The following SPACA7 variants were observed in gnomAD, a reference collection of about 807,000 sequenced individuals.
SPACA7 encodes sperm acrosome-associated protein 7.
In SPACA7, 19 loss-of-function variants were observed where a neutral mutation model predicts 26.3. That is an observed-to-expected ratio of 0.72 (90% CI 0.50 to 1.06). SPACA7 has a LOEUF of 1.06. Among genes scored for constraint, SPACA7 ranks in the 50% least tolerant of loss-of-function variants. SPACA7 has a pLI of 0.00. For synonymous variants in SPACA7, 84 were observed against 84.5 expected, an observed-to-expected ratio of 0.99 and a Z score of 0.04; for missense variants, 211 against 229.9, an observed-to-expected ratio of 0.92 and a Z score of 0.53.
At chr13:112,396,909 G>A (rs1031850912) in intron 2 of SPACA7, among the ~76,000 whole-genome samples, 12 of 152,198 alleles carry the variant, frequency 7.9e-5, no homozygotes, top group African/African-American at 2.9e-4. Context: ...CCCAGGGCAG[G>A]AGGCGGGGGT....
chr13:112,392,531 C>T (rs1390196579), intron 1 of SPACA7, among the ~76,000 whole-genome samples: 1 of 152,206 alleles, frequency 6.6e-6, no homozygotes, highest in Non-Finnish European at 1.5e-5. Context: ...GCAGCCACAG[C>T]ATTGCACAAT....
rs1877564832 is a variant in SPACA7 at position 112,434,679 on chromosome 13, T to C, written c.*130T>C. The C allele has an allele frequency of 1.7e-5, 12 of 701,144 alleles. No homozygotes were observed. The highest frequency in any genetic ancestry group is 7.6e-5 in the Admixed American group (3 of 39,360). The allele number at this position is 701,144 out of a possible 1,614,324, so 43.4% of individuals were successfully genotyped here. A position where few individuals can be genotyped will look rare whatever the true frequency, so the allele number is the denominator to read the frequency against. On this transcript the variant is annotated 3_prime_UTR_variant, in exon 7 of 7. Transcript: ENST00000283550. Reference sequence around the variant, plus strand: ...CCATTCCACATAAAGGAAAATCGTTTATTCACACGATCCCAATTGGAGTTG... The same window carrying C: ...CCATTCCACATAAAGGAAAATCGTTCATTCACACGATCCCAATTGGAGTTG...
At chr13:112,419,877 C>T (rs1483027449) in intron 5 of SPACA7, among the ~76,000 whole-genome samples, 1 of 152,170 alleles carries the variant, frequency 6.6e-6, no homozygotes, top group Non-Finnish European at 1.5e-5. Flanking sequence ...GAGAAAGAAA[C>T]CCGCTCTGCC....
chr13:112,412,189 T>G (rs1886395065), intron 5 of SPACA7, among the ~76,000 whole-genome samples: 1 of 152,204 alleles, frequency 6.6e-6, no homozygotes, highest in South Asian at 2.1e-4. Flanking sequence ...GATTTGCATT[T>G]CCCTGGTGAT....
intron 2 of SPACA7, among the ~76,000 whole-genome samples, chr13:112,396,757 C>T (rs1162872425): frequency 3.3e-5 from 5 of 152,290 alleles, no homozygotes; most frequent in South Asian, 2.1e-4. Context: ...GGGGCACCCG[C>T]GGCTAAGAGG....
chr13:112,399,201 C>A, intron 4 of SPACA7, 28 bp downstream of exon 4: 1 of 1,208,986 alleles, frequency 8.3e-7, no homozygotes, highest in Non-Finnish European at 1.2e-6. Context: ...ATTACCCCTT[C>A]CCAAGTCCAG....
At chr13:112,421,489 A>T (rs188391953) in intron 5 of SPACA7, among the ~76,000 whole-genome samples, 1 of 152,352 alleles carries the variant, frequency 6.6e-6, no homozygotes. Flanking sequence ...AGAAATAAAG[A>T]ACAGACAAGG....
intron 2 of SPACA7, among the ~76,000 whole-genome samples, chr13:112,396,593 C>A (rs1340783907): frequency 6.6e-6 from 1 of 152,196 alleles, no homozygotes; most frequent in Non-Finnish European, 1.5e-5. Flanking sequence ...GCTTGCCATT[C>A]AAATGCATAT....
At chr13:112,409,306 C>A (rs1441115798) in intron 5 of SPACA7, among the ~76,000 whole-genome samples, 6 of 152,172 alleles carry the variant, frequency 3.9e-5, no homozygotes, top group African/African-American at 1.4e-4. Flanking sequence ...TAGGCATGGG[C>A]AAGGACTTCA....
intron 5 of SPACA7, among the ~76,000 whole-genome samples, chr13:112,422,715 A>G (rs1222737082): frequency 6.6e-6 from 1 of 152,212 alleles, no homozygotes; most frequent in East Asian, 1.9e-4. Flanking sequence ...AGAAGTCACA[A>G]GGGAAATTCA....
At chr13:112,433,165 A>C in intron 6 of SPACA7, among the ~76,000 whole-genome samples, 3 of 146,124 alleles carry the variant, frequency 2.1e-5, no homozygotes, top group African/African-American at 2.5e-5. Flanking sequence ...CTCCCCCCAT[A>C]CCCTGCAGCA....
rs1461276120 is a variant in SPACA7 at position 112,426,066 on chromosome 13, G to T, written c.446-6378G>T. Among the ~76,000 whole-genome samples, 3 of 152,198 alleles carry T rather than the reference G, an allele frequency of 2.0e-5. No individual in the cohort carries two copies. The East Asian group carries it at 5.8e-4, about 29-fold the overall frequency. ...ATGTATAGCATTAAATGCTTGTATT[G>T]AGTTAATTTGCATATATGGTGTGAG... On this transcript the variant is annotated intron_variant, in intron 5 of 6. Transcript: ENST00000283550.
chr13:112,381,132 T>C (rs1267912895), intron 1 of SPACA7, among the ~76,000 whole-genome samples: 1 of 152,208 alleles, frequency 6.6e-6, no homozygotes, highest in Non-Finnish European at 1.5e-5. Flanking sequence ...ACTCTTGTTT[T>C]ACTTAACTGA....
At chr13:112,421,173 A>G (rs753281990) in intron 5 of SPACA7, among the ~76,000 whole-genome samples, 18 of 151,112 alleles carry the variant, frequency 1.2e-4, no homozygotes, top group Non-Finnish European at 2.4e-4. Context: ...GTTAGTTGAG[A>G]TCACTTGAAA....
chr13:112,408,939 G>A (rs1449351547), intron 5 of SPACA7, among the ~76,000 whole-genome samples: 1 of 152,108 alleles, frequency 6.6e-6, no homozygotes, highest in Non-Finnish European at 1.5e-5. Context: ...AAAGCTGGAG[G>A]CATCATGCTA....
At position 112,395,340 on chromosome 13, in the gene SPACA7, C is replaced by A. The variant is rs546051073; in HGVS notation, c.151+2263C>A. On this transcript the variant is annotated intron_variant, in intron 2 of 6. Coordinates refer to ENST00000283550, the MANE Select transcript of SPACA7 (RefSeq NM_145248.5). ...GGATGCATTCCTGGCCCTCTGGGGC[C>A]GGCTGGTCCAGGGGTTGCGCTTCGG... is the stretch of plus-strand genomic sequence containing the variant. Among the ~76,000 whole-genome samples the A allele has an allele frequency of 6.3e-4, 96 of 152,308 alleles. 1 individual carries two copies. The South Asian group carries it at 8.5e-3, about 13-fold the overall frequency.
At chr13:112,428,444 G>A (rs1876749479) in intron 5 of SPACA7, among the ~76,000 whole-genome samples, 1 of 152,134 alleles carries the variant, frequency 6.6e-6, no homozygotes, top group African/African-American at 2.4e-5. Flanking sequence ...GCTGGGCTTG[G>A]TGGTGGGCAC....
chr13:112,419,014 C>T (rs1886858806), intron 5 of SPACA7, among the ~76,000 whole-genome samples: 1 of 149,012 alleles, frequency 6.7e-6, no homozygotes, highest in South Asian at 2.1e-4. Context: ...AAGAGTGAGA[C>T]TCCATTTAAA....
At chr13:112,386,458 G>A (rs1884531317) in intron 1 of SPACA7, among the ~76,000 whole-genome samples, 1 of 152,082 alleles carries the variant, frequency 6.6e-6, no homozygotes, top group South Asian at 2.1e-4. Context: ...TTTAATTCCT[G>A]GGGTTTCATG....
Sources: allele counts gnomAD v4.1 joint callset (sites outside exome capture counted in the v4.1 genomes callset), GRCh38; gene constraint gnomAD v4.1.1; transcripts MANE v1.5; gene names NCBI Gene and HGNC (gene_info 2026-07-23, HGNC 2026-07-21).